AGTPBP1: variants seen among roughly 807,000 people sequenced by gnomAD.
AGTPBP1 encodes the protein ATP/GTP binding carboxypeptidase 1, also known as cytosolic carboxypeptidase 1.
A neutral mutation model predicts 143.9 loss-of-function variants in AGTPBP1; 70 were observed. The observed-to-expected ratio is 0.49, with a 90% CI of 0.40 to 0.59. The LOEUF (loss-of-function observed/expected upper bound fraction) is 0.59. Ranked by LOEUF, AGTPBP1 falls within the 20% of genes least tolerant of loss-of-function variation. AGTPBP1 has a pLI of 0.00. For missense variants in AGTPBP1, 1,229 were observed against 1,464.5 expected, an observed-to-expected ratio of 0.84 and a Z score of 2.62; for synonymous variants, 463 against 500.2, an observed-to-expected ratio of 0.93 and a Z score of 0.99.
upstream of AGTPBP1, among the ~76,000 whole-genome samples, chr9:85,742,450 G>C (rs1824424480): frequency 6.6e-6 from 1 of 151,602 alleles, no homozygotes; most frequent in South Asian, 2.1e-4. Context: ...TGGGGACTGC[G>C]GTAAAGCTTA....
At chr9:85,586,722 C>A in intron 22 of AGTPBP1, 109 bp downstream of exon 22, 2 of 1,294,744 alleles carry the variant, frequency 1.5e-6, no homozygotes, top group Non-Finnish European at 1.1e-6. Context: ...ATTAAGACAA[C>A]TAACATAATG....
chr9:85,760,321 G>C, the AGTPBP1 span, among the ~76,000 whole-genome samples: 5 of 152,120 alleles, frequency 3.3e-5, no homozygotes, highest in Admixed American at 6.6e-5. Flanking sequence ...AACAAAAAAA[G>C]AGAATTTTAG....
At chr9:85,784,727 A>G in the AGTPBP1 span, among the ~76,000 whole-genome samples, 8,234 of 152,196 alleles carry the variant, frequency 0.054, 729 homozygotes, top group African/African-American at 0.18. Context: ...TTTAAAAACT[A>G]GAGAGTCAGT....
At chr9:85,547,361 C>T in intron 25 of AGTPBP1, 75 bp from the exon 26 acceptor site, 1 of 1,251,418 alleles carries the variant, frequency 8.0e-7, no homozygotes, top group Non-Finnish European at 1.1e-6. Flanking sequence ...TTTCACCATA[C>T]TGGACTAACT....
intron 11 of AGTPBP1, among the ~76,000 whole-genome samples, chr9:85,651,024 A>G (rs1833131893): frequency 6.6e-6 from 1 of 152,080 alleles, no homozygotes; most frequent in African/African-American, 2.4e-5. Flanking sequence ...GTCTTAAGAG[A>G]CTTCATATGT....
chr9:85,689,878 G>A (rs148984872), intron 3 of AGTPBP1, among the ~76,000 whole-genome samples: 1,408 of 108,150 alleles, frequency 0.013, 13 homozygotes, highest in Admixed American at 0.022. Flanking sequence ...CCGGGCAACA[G>A]AGTGAGAGAG....
chr9:85,639,398 CAT>C (rs1286529197), intron 13 of AGTPBP1, among the ~76,000 whole-genome samples: 2 of 150,298 alleles, frequency 1.3e-5, no homozygotes, highest in Non-Finnish European at 3.0e-5. Flanking sequence ...CACACACACA[CAT>C]ATGAAAAGAA....
intron 20 of AGTPBP1, 105 bp downstream of exon 20, chr9:85,589,423 T>G: frequency 1.4e-6 from 2 of 1,405,572 alleles, no homozygotes; most frequent in Non-Finnish European, 1.9e-6. Flanking sequence ...AGAGCCCAAG[T>G]CTTCTGATGT....
the AGTPBP1 span, among the ~76,000 whole-genome samples, chr9:85,775,853 G>A: frequency 6.6e-6 from 1 of 152,058 alleles, no homozygotes; most frequent in Admixed American, 6.6e-5. Flanking sequence ...GCACCAGATT[G>A]AGGTTGGATC....
intron 1 of AGTPBP1, among the ~76,000 whole-genome samples, chr9:85,719,777 G>A (rs1185662136): frequency 6.6e-6 from 1 of 152,176 alleles, no homozygotes. Flanking sequence ...TGCCCATCCA[G>A]TATGATATTG....
At chr9:85,657,356 T>C in intron 10 of AGTPBP1, 79 bp downstream of exon 10, 2 of 1,235,564 alleles carry the variant, frequency 1.6e-6, no homozygotes, top group Non-Finnish European at 2.2e-6. Context: ...TCTGAGTATT[T>C]GCACACTAAT....
intron 7 of AGTPBP1, among the ~76,000 whole-genome samples, chr9:85,670,584 C>G (rs1298740862): frequency 6.6e-6 from 1 of 152,098 alleles, no homozygotes; most frequent in Non-Finnish European, 1.5e-5. Context: ...TATTGTAGAA[C>G]CAGGGACAAT....
At chr9:85,754,657 A>G in the AGTPBP1 span, among the ~76,000 whole-genome samples, 1 of 152,132 alleles carries the variant, frequency 6.6e-6, no homozygotes, top group Non-Finnish European at 1.5e-5. Flanking sequence ...TATGTAAGCA[A>G]AAAATACTGT....
intron 17 of AGTPBP1, among the ~76,000 whole-genome samples, chr9:85,604,769 T>C (rs1829889646): frequency 6.6e-6 from 1 of 152,138 alleles, no homozygotes; most frequent in Non-Finnish European, 1.5e-5. Flanking sequence ...ATGAGATGCA[T>C]TTAACCAAGA....
At chr9:85,726,149 G>A (rs552917774) in intron 1 of AGTPBP1, among the ~76,000 whole-genome samples, 23 of 147,928 alleles carry the variant, frequency 1.6e-4, no homozygotes, top group African/African-American at 5.5e-4. Context: ...AGGATCGCTT[G>A]AGCCTGGAAG....
At chr9:85,734,230 C>A (rs543970046) in intron 1 of AGTPBP1, among the ~76,000 whole-genome samples, 3 of 151,760 alleles carry the variant, frequency 2.0e-5, no homozygotes, top group African/African-American at 7.3e-5. Context: ...TCCAGCCTGG[C>A]GACAAAGAGA....
At chr9:85,759,561 C>T in the AGTPBP1 span, among the ~76,000 whole-genome samples, 1 of 152,046 alleles carries the variant, frequency 6.6e-6, no homozygotes. Context: ...TAAAGATGTT[C>T]TTTGAAACCA....
the AGTPBP1 span, among the ~76,000 whole-genome samples, chr9:85,762,555 G>T: frequency 6.7e-6 from 1 of 150,084 alleles, no homozygotes; most frequent in Non-Finnish European, 1.5e-5. Flanking sequence ...CTCACTCATA[G>T]GTGCGAATTG....
chr9:85,647,923 A>G (rs982117202), intron 11 of AGTPBP1, among the ~76,000 whole-genome samples: 1 of 152,246 alleles, frequency 6.6e-6, no homozygotes, highest in Non-Finnish European at 1.5e-5. Context: ...GACTTTTAAT[A>G]TAAAGAAGAT....
Sources: allele counts gnomAD v4.1 joint callset (sites outside exome capture counted in the v4.1 genomes callset), GRCh38; gene constraint gnomAD v4.1.1; transcripts MANE v1.5; gene names NCBI Gene and HGNC (gene_info 2026-07-23, HGNC 2026-07-21).